Variants in RBFOX3 observed in about 807,000 individuals in gnomAD.
RBFOX3 encodes RNA binding fox-1 homolog 3.
In RBFOX3, 17 loss-of-function variants were observed where a neutral mutation model predicts 48.7. That is an observed-to-expected ratio of 0.35 (90% CI 0.24 to 0.52). The LOEUF (loss-of-function observed/expected upper bound fraction) is 0.52, where lower values mean the gene tolerates loss of function less well. Among genes scored for constraint, RBFOX3 ranks in the 20% least tolerant of loss-of-function variants. The pLI, the probability that RBFOX3 is intolerant of heterozygous loss-of-function variation, is 0.94. For synonymous variants in RBFOX3, 212 were observed against 209.5 expected (o/e 1.01, Z -0.10); for missense variants, 382 against 497.5 (o/e 0.77, Z 2.21).
chr17:79,229,220 G>A (rs1467568528), intron 4 of RBFOX3, among the ~76,000 whole-genome samples: 1 of 95,830 alleles, frequency 1.0e-5, no homozygotes, highest in Non-Finnish European at 1.9e-5. Flanking sequence ...CAGTGTGAAT[G>A]AGACTCTGTC....
intron 1 of RBFOX3, among the ~76,000 whole-genome samples, chr17:79,550,624 G>C (rs2091045361): frequency 6.6e-6 from 1 of 152,216 alleles, no homozygotes; most frequent in Non-Finnish European, 1.5e-5. Flanking sequence ...ACAGATGATG[G>C]GTGGATAGAT....
chr17:79,131,179 T>G (rs2038798711), intron 4 of RBFOX3, among the ~76,000 whole-genome samples: 1 of 151,822 alleles, frequency 6.6e-6, no homozygotes, highest in Admixed American at 6.6e-5. Flanking sequence ...GTGCTGCGTG[T>G]GCTGTATGCT....
the RBFOX3 span, among the ~76,000 whole-genome samples, chr17:79,654,956 A>G: frequency 6.6e-6 from 1 of 152,246 alleles, no homozygotes; most frequent in Admixed American, 6.5e-5. Context: ...GGAAAAACAG[A>G]ATAAACTGTA....
At chr17:79,649,943 C>T in the RBFOX3 span, among the ~76,000 whole-genome samples, 65 of 152,118 alleles carry the variant, frequency 4.3e-4, no homozygotes, top group Admixed American at 1.2e-3. Flanking sequence ...CAGTAACTCA[C>T]TCACTATCAG....
chr17:79,266,748 G>A (rs1182225621), intron 3 of RBFOX3, among the ~76,000 whole-genome samples: 2 of 152,126 alleles, frequency 1.3e-5, no homozygotes, highest in Non-Finnish European at 2.9e-5. Context: ...CAGGTGTCCA[G>A]TAATGTCATC....
chr17:79,541,305 C>T, intron 1 of RBFOX3, among the ~76,000 whole-genome samples: 1 of 152,040 alleles, frequency 6.6e-6, no homozygotes, highest in Non-Finnish European at 1.5e-5. Context: ...CTGGTTTTCA[C>T]CAAGATAAAA....
chr17:79,280,846 G>GC (rs1005793643), intron 3 of RBFOX3, among the ~76,000 whole-genome samples: 1 of 150,322 alleles, frequency 6.7e-6, no homozygotes, highest in Non-Finnish European at 1.5e-5. Context: ...CATTGTGGGG[G>GC]GGGGGAGGGG....
At chr17:79,152,904 C>T (rs540042257) in intron 4 of RBFOX3, among the ~76,000 whole-genome samples, 1 of 152,318 alleles carries the variant, frequency 6.6e-6, no homozygotes, top group South Asian at 2.1e-4. Context: ...TGTTTACAGG[C>T]TGCCAGCACT....
intron 1 of RBFOX3, among the ~76,000 whole-genome samples, chr17:79,537,696 G>A (rs1031627652): frequency 2.0e-5 from 3 of 152,086 alleles, no homozygotes; most frequent in Non-Finnish European, 2.9e-5. Flanking sequence ...GTGGAGCATC[G>A]TGACAGGCCT....
rs567120577 is a variant in RBFOX3 at position 79,235,909 on chromosome 17, G to T, written c.-73-104C>A. 2.0e-5 allele frequency: 3 copies of T among 153,472 alleles called. No individual in the cohort carries two copies. In the South Asian group the frequency reaches 6.2e-4, roughly 32 times the overall value. The allele number at this position is 153,472 out of a possible 1,614,324, so 9.5% of individuals were successfully genotyped here. ...TTTGCTCATCGACTAGGGAAGTCTG[G>T]AGGTGGAAGCATCATCTCCCTGGGA... is the stretch of plus-strand genomic sequence containing the variant. On this transcript the variant is annotated intron_variant, in intron 3 of 14. Coordinates refer to ENST00000693108, the MANE Select transcript of RBFOX3 (RefSeq NM_001350451.2).
At chr17:79,459,994 G>C (rs1555747754) in intron 2 of RBFOX3, among the ~76,000 whole-genome samples, 1 of 152,162 alleles carries the variant, frequency 6.6e-6, no homozygotes, top group Non-Finnish European at 1.5e-5. Flanking sequence ...ATGGACAGGT[G>C]CTGCAATGTG....
At position 79,117,675 on chromosome 17, in the gene RBFOX3, C is replaced by T. The variant is rs113194894; in HGVS notation, c.-33-1927G>A. ...ATGTCCACCTCTGTCCTGCCTCCCC[C>T]ACCCCTAGCCTGTCCTCTGCATCCT... On this transcript the variant is annotated intron_variant, in intron 4 of 14. Transcript: ENST00000693108. Among the ~76,000 whole-genome samples the T allele has an allele frequency of 7.9e-5, 12 of 152,324 alleles. No homozygotes were observed. The East Asian group carries it at 2.1e-3, about 27-fold the overall frequency.
In RBFOX3 at chr17:79,328,153, G is replaced by A. The variant is rs557588151; in HGVS notation, c.-174-20329C>T. On this transcript the variant is annotated intron_variant, in intron 2 of 14. Transcript: ENST00000693108. ...GGGCAGAGCCCGTGGGTGCAAACAC[G>A]GGCAGGACTCATGGCATACTATTCT... 1.2e-4 allele frequency among the ~76,000 whole-genome samples: 19 copies of A among 152,338 alleles called. No individual in the cohort carries two copies. The East Asian group carries it at 2.1e-3, about 17-fold the overall frequency.
intron 11 of RBFOX3, 105 bp from the exon 12 acceptor site, chr17:79,096,938 C>CA (rs1361993746): frequency 4.9e-6 from 3 of 606,548 alleles, no homozygotes; most frequent in Non-Finnish European, 8.8e-6. Flanking sequence ...GTGCCCCCCA[C>CA]CCCTTTAGTG....
At chr17:79,442,707 C>T (rs1269174579) in intron 2 of RBFOX3, among the ~76,000 whole-genome samples, 1 of 151,706 alleles carries the variant, frequency 6.6e-6, no homozygotes, top group Non-Finnish European at 1.5e-5. Flanking sequence ...CTGGGGCTGC[C>T]GTAACTATTA....
intron 2 of RBFOX3, among the ~76,000 whole-genome samples, chr17:79,366,226 G>A (rs576800799): frequency 6.6e-5 from 10 of 152,340 alleles, no homozygotes; most frequent in Admixed American, 4.6e-4. Flanking sequence ...CCCAGGCACC[G>A]CACTAGTCTT....
chr17:79,277,236 C>T, intron 3 of RBFOX3, among the ~76,000 whole-genome samples: 1 of 151,502 alleles, frequency 6.6e-6, no homozygotes, highest in East Asian at 1.9e-4. Flanking sequence ...GCCCCACCTG[C>T]CTGGCTCTGC....
rs1296835836 is a variant in RBFOX3 at position 79,292,593 on chromosome 17, CACACACGCACACACACACACACATACAT to C, written c.-74+15103_-74+15130del. On this transcript the variant is annotated intron_variant, in intron 3 of 14. Transcript: ENST00000693108. Reference sequence around the variant, plus strand: ...ACACACACACACACATGCACACACACACACACGCACACACACACACACATACATGCAGACCCAGTGCACTGCCCTTAGA... The same window carrying C: ...ACACACACACACACATGCACACACACGCAGACCCAGTGCACTGCCCTTAGA... 6.9e-3 allele frequency among the ~76,000 whole-genome samples: 711 copies of C among 103,180 alleles called. 8 individuals are homozygous for C. Among genetic ancestry groups the C allele is most frequent in the African/African-American group, 0.031 (685 of 22,280 alleles). 67.7% of individuals were successfully genotyped at this position (103,180 alleles called of 152,430 possible). A position where few individuals can be genotyped will look rare whatever the true frequency, so the allele number is the denominator to read the frequency against.
At chr17:79,643,263 A>G in the RBFOX3 span, among the ~76,000 whole-genome samples, 2 of 152,224 alleles carry the variant, frequency 1.3e-5, no homozygotes, top group Non-Finnish European at 2.9e-5. Context: ...TTAGGAAAAT[A>G]TATAATTCGC....
Sources: allele counts gnomAD v4.1 joint callset (sites outside exome capture counted in the v4.1 genomes callset), GRCh38; gene constraint gnomAD v4.1.1; transcripts MANE v1.5; gene names NCBI Gene and HGNC (gene_info 2026-07-23, HGNC 2026-07-21).